The following EPHA6 variants were observed in gnomAD, a reference collection of about 807,000 sequenced individuals.
EPHA6 encodes EPH receptor A6, also known as ephrin type-A receptor 6.
Under a neutral mutation model 112.0 loss-of-function variants are expected in EPHA6, and 50 were observed. The ratio of observed to expected loss-of-function variants is 0.45; its 90% confidence interval spans 0.36 to 0.56. The LOEUF is 0.56. Ranked by LOEUF, EPHA6 falls within the 20% of genes least tolerant of loss-of-function variation. The pLI, the probability that EPHA6 is intolerant of heterozygous loss-of-function variation, is 0.00. For missense variants in EPHA6, 1,280 were observed against 1,417.4 expected (o/e 0.90, Z 1.56); for synonymous variants, 529 against 490.7 (o/e 1.08, Z -1.03).
chr3:97,284,711 G>C (rs990647600), intron 5 of EPHA6, among the ~76,000 whole-genome samples: 2 of 152,068 alleles, frequency 1.3e-5, no homozygotes, highest in Non-Finnish European at 2.9e-5. Flanking sequence ...TCATACTGTT[G>C]TTATAATAAT....
chr3:97,087,141 T>C, intron 3 of EPHA6, among the ~76,000 whole-genome samples: 1 of 152,152 alleles, frequency 6.6e-6, no homozygotes. Flanking sequence ...ACAGATGGCC[T>C]AGAAGAGCAA....
chr3:97,469,539 T>C (rs2091161335), intron 7 of EPHA6, among the ~76,000 whole-genome samples: 1 of 151,698 alleles, frequency 6.6e-6, no homozygotes, highest in Non-Finnish European at 1.5e-5. Flanking sequence ...TTCAAATACA[T>C]GTGATAATAT....
intron 6 of EPHA6, among the ~76,000 whole-genome samples, chr3:97,410,852 C>G (rs1163306788): frequency 1.3e-5 from 2 of 152,028 alleles, no homozygotes; most frequent in Non-Finnish European, 2.9e-5. Context: ...TCACAATGCT[C>G]TCAACATAGA....
At chr3:97,042,091 T>A (rs921909201) in intron 3 of EPHA6, among the ~76,000 whole-genome samples, 1 of 152,106 alleles carries the variant, frequency 6.6e-6, no homozygotes, top group Non-Finnish European at 1.5e-5. Context: ...TGTGTGATAA[T>A]GTTTGCATAT....
intron 11 of EPHA6, among the ~76,000 whole-genome samples, chr3:97,566,802 A>T (rs1034423751): frequency 4.6e-5 from 7 of 152,092 alleles, no homozygotes; most frequent in African/African-American, 1.2e-4. Flanking sequence ...CTATATGGAC[A>T]CCTTCTGTAT....
At chr3:97,706,802 T>G (rs939086529) in intron 14 of EPHA6, among the ~76,000 whole-genome samples, 6 of 150,748 alleles carry the variant, frequency 4.0e-5, no homozygotes, top group African/African-American at 1.5e-4. Flanking sequence ...TTTTTTTTTT[T>G]GCTGCCAATT....
At chr3:97,227,283 T>G (rs938360026) in intron 4 of EPHA6, among the ~76,000 whole-genome samples, 3 of 151,722 alleles carry the variant, frequency 2.0e-5, no homozygotes, top group African/African-American at 7.3e-5. Flanking sequence ...TGCAGTGGCA[T>G]GATCCCGGCT....
intron 1 of EPHA6, among the ~76,000 whole-genome samples, chr3:96,855,973 G>A (rs2035673455): frequency 6.6e-6 from 1 of 152,164 alleles, no homozygotes; most frequent in East Asian, 1.9e-4. Flanking sequence ...ACAGCACTTT[G>A]GGAGGCCAGG....
At chr3:97,174,349 G>T (rs765659396) in intron 3 of EPHA6, among the ~76,000 whole-genome samples, 1 of 151,866 alleles carries the variant, frequency 6.6e-6, no homozygotes, top group Non-Finnish European at 1.5e-5. Context: ...GAGCAGTGCT[G>T]CAACAAACAT....
chr3:97,353,057 C>T (rs1388787925), intron 5 of EPHA6, among the ~76,000 whole-genome samples: 2 of 152,072 alleles, frequency 1.3e-5, no homozygotes, highest in African/African-American at 2.4e-5. Context: ...GAAGGAATCC[C>T]ACTGCCTTGA....
chr3:97,543,534 CT>C, intron 11 of EPHA6, among the ~76,000 whole-genome samples: 1 of 152,256 alleles, frequency 6.6e-6, no homozygotes, highest in South Asian at 2.1e-4. Flanking sequence ...AGCGTGCTGC[CT>C]CCAGCTTTGT....
chr3:97,429,206 A>G (rs1275071134), intron 6 of EPHA6, among the ~76,000 whole-genome samples: 4 of 152,160 alleles, frequency 2.6e-5, no homozygotes, highest in African/African-American at 9.7e-5. Context: ...GATTTCTGGC[A>G]AGTGAGGAAA....
At chr3:96,831,545 A>T (rs550282216) in intron 1 of EPHA6, among the ~76,000 whole-genome samples, 1 of 151,628 alleles carries the variant, frequency 6.6e-6, no homozygotes, top group African/African-American at 2.4e-5. Flanking sequence ...TGACACTTTT[A>T]TTAAGAATAA....
chr3:97,533,097 A>T (rs773058717), intron 11 of EPHA6, among the ~76,000 whole-genome samples: 27 of 152,036 alleles, frequency 1.8e-4, no homozygotes, highest in Non-Finnish European at 3.8e-4. Context: ...CTTTGAAAAG[A>T]AATGTTTTCA....
At chr3:97,444,888 A>G (rs2090278290) in intron 6 of EPHA6, among the ~76,000 whole-genome samples, 1 of 152,066 alleles carries the variant, frequency 6.6e-6, no homozygotes, top group Admixed American at 6.6e-5. Context: ...CGAAAGATTC[A>G]GTGTGACAGT....
chr3:97,090,674 A>T (rs2047036637), intron 3 of EPHA6, among the ~76,000 whole-genome samples: 1 of 152,124 alleles, frequency 6.6e-6, no homozygotes, highest in South Asian at 2.1e-4. Context: ...GTACATATAA[A>T]GCTGAAATAC....
chr3:97,718,998 T>G (rs190700433), intron 14 of EPHA6, among the ~76,000 whole-genome samples: 1 of 150,506 alleles, frequency 6.6e-6, no homozygotes, highest in Non-Finnish European at 1.5e-5. Context: ...ATGCTACTAG[T>G]CTTTGAAATG....
chr3:97,010,211 A>C, intron 3 of EPHA6: 1 of 619,538 alleles, frequency 1.6e-6, no homozygotes, highest in South Asian at 2.0e-5. Context: ...CTGGTCAATC[A>C]AAGGGAAATT....
At chr3:97,371,586 A>G (rs1323966075) in intron 5 of EPHA6, among the ~76,000 whole-genome samples, 1 of 152,086 alleles carries the variant, frequency 6.6e-6, no homozygotes, top group Non-Finnish European at 1.5e-5. Flanking sequence ...CGTTAACTGC[A>G]CAAATTGTTT....
Sources: gnomAD v4.1 joint callset for allele counts (sites outside exome capture counted in the v4.1 genomes callset) on GRCh38, gnomAD v4.1.1 for gene constraint, MANE v1.5 for transcripts, NCBI Gene and HGNC (gene_info 2026-07-23, HGNC 2026-07-21) for gene names.